Variants in KCNN2 observed in about 807,000 individuals in gnomAD.
The protein encoded by KCNN2 is potassium calcium-activated channel subfamily N member 2.
In KCNN2, 24 loss-of-function variants were observed where a neutral mutation model predicts 55.5. The observed-to-expected ratio is 0.43, with a 90% confidence interval of 0.31 to 0.61. The LOEUF (loss-of-function observed/expected upper bound fraction) is 0.61, where lower values mean the gene tolerates loss of function less well. KCNN2 is among the 20% of genes least tolerant of loss of function. The pLI is 0.08. For missense variants in KCNN2, 754 were observed against 853.6 expected, an observed-to-expected ratio of 0.88 and a Z score of 1.45; for synonymous variants, 431 against 336.1, an observed-to-expected ratio of 1.28 and a Z score of -3.09.
intron 2 of KCNN2, among the ~76,000 whole-genome samples, chr5:114,278,558 A>C (rs1411383297): frequency 6.6e-6 from 1 of 152,172 alleles, no homozygotes; most frequent in Non-Finnish European, 1.5e-5. Flanking sequence ...AGAACCACCT[A>C]CTTAAGCCTC....
intron 3 of KCNN2, among the ~76,000 whole-genome samples, chr5:114,453,973 G>T (rs2007196): frequency 0.94 from 143,124 of 152,078 alleles, 67,973 homozygotes; most frequent in East Asian, 1. Flanking sequence ...TCCCTGTCCT[G>T]TCTCACCACA....
At chr5:114,106,541 G>C (rs1751485865) in intron 1 of KCNN2, among the ~76,000 whole-genome samples, 1 of 145,806 alleles carries the variant, frequency 6.9e-6, no homozygotes, top group Non-Finnish European at 1.5e-5. Context: ...TGTTATTCTT[G>C]TTTGTTTTTT....
intron 1 of KCNN2, among the ~76,000 whole-genome samples, chr5:114,169,683 G>T (rs966101492): frequency 2.0e-5 from 3 of 152,074 alleles, no homozygotes; most frequent in African/African-American, 7.2e-5. Flanking sequence ...TCAGTTTCAT[G>T]TGCACCCCTT....
intron 2 of KCNN2, among the ~76,000 whole-genome samples, chr5:114,330,692 A>G (rs1484711456): frequency 6.6e-6 from 1 of 152,086 alleles, no homozygotes; most frequent in Non-Finnish European, 1.5e-5. Context: ...CAACCTTTGG[A>G]GTGTAGTTCA....
At chr5:114,288,134 A>G (rs373106841) in intron 2 of KCNN2, among the ~76,000 whole-genome samples, 1 of 152,178 alleles carries the variant, frequency 6.6e-6, no homozygotes, top group Non-Finnish European at 1.5e-5. Flanking sequence ...ATTACTTAGC[A>G]TAAGGTTTTC....
chr5:114,104,993 C>A lies in KCNN2; in HGVS notation c.-271+48493C>A, dbSNP rs1263424548. ...AGGTTAAGTGACTTTCCCAGTGTCACCTATTCTGTCTTCTCTTCTGATTCA... is the reference window on the plus strand; with the variant it reads ...AGGTTAAGTGACTTTCCCAGTGTCAACTATTCTGTCTTCTCTTCTGATTCA... On this transcript the variant is annotated intron_variant, in intron 1 of 10. Transcript: ENST00000512097. Among the ~76,000 whole-genome samples the A allele has an allele frequency of 3.3e-5, 5 of 152,132 alleles. No homozygotes were observed. In the East Asian group the frequency reaches 9.7e-4, roughly 30 times the overall value.
rs945847263 is a variant in KCNN2 at position 114,264,906 on chromosome 5, C to G, written c.-185+43341C>G. Reference sequence around the variant, plus strand: ...GTTCAAGTGCCCTCAGGGATATAAGCATAGAAGGTAAATTTTACCTATTGC... The same window carrying G: ...GTTCAAGTGCCCTCAGGGATATAAGGATAGAAGGTAAATTTTACCTATTGC... On this transcript the variant is annotated intron_variant, in intron 2 of 10. Transcript: ENST00000512097. 2.6e-5 allele frequency among the ~76,000 whole-genome samples: 4 copies of G among 152,208 alleles called. No homozygotes were observed. The East Asian group carries it at 7.7e-4, about 29-fold the overall frequency.
intron 2 of KCNN2, among the ~76,000 whole-genome samples, chr5:114,375,408 T>G (rs1262494270): frequency 6.6e-6 from 1 of 152,132 alleles, no homozygotes; most frequent in African/African-American, 2.4e-5. Flanking sequence ...ACTGAAAACT[T>G]TGTTTTATTT....
At position 114,241,755 on chromosome 5, in the gene KCNN2, T is replaced by C. The variant is rs12153476; in HGVS notation, c.-185+20190T>C. 1.3e-3 allele frequency among the ~76,000 whole-genome samples: 29 copies of C among 22,470 alleles called. 5 individuals are homozygous for C. In the South Asian group the frequency reaches 0.037, roughly 29 times the overall value. The allele number at this position is 22,470 out of a possible 152,430, so 14.7% of individuals were successfully genotyped here. A position where few individuals can be genotyped will look rare whatever the true frequency, so the allele number is the denominator to read the frequency against. ...ATACATATATACGTATATATATGTA[T>C]ATATATACGTATATATATACATATA... is the stretch of plus-strand genomic sequence containing the variant. On this transcript the variant is annotated intron_variant, in intron 2 of 10. Coordinates refer to the KCNN2 transcript ENST00000512097.
chr5:114,345,654 G>A (rs1395653716), intron 2 of KCNN2, among the ~76,000 whole-genome samples: 3 of 152,200 alleles, frequency 2.0e-5, no homozygotes, highest in Admixed American at 1.3e-4. Context: ...TTCTTGCATT[G>A]TTATAAAGAA....
chr5:114,074,843 A>G (rs1015546601), intron 1 of KCNN2, among the ~76,000 whole-genome samples: 2 of 152,254 alleles, frequency 1.3e-5, no homozygotes, highest in African/African-American at 2.4e-5. Flanking sequence ...CAGAGGAGTC[A>G]GGCTCTATGA....
intron 1 of KCNN2, among the ~76,000 whole-genome samples, chr5:114,134,642 A>T (rs963810845): frequency 1.3e-5 from 2 of 151,752 alleles, no homozygotes; most frequent in Admixed American, 6.6e-5. Flanking sequence ...CTCCCGGCAA[A>T]TTTTTTGTAT....
chr5:114,274,748 A>C (rs1219472555), intron 2 of KCNN2, among the ~76,000 whole-genome samples: 4 of 152,070 alleles, frequency 2.6e-5, no homozygotes, highest in Admixed American at 6.6e-5. Context: ...GAGACGATGG[A>C]GTTTTCTAAA....
At chr5:114,206,727 C>T (rs1171252153) in intron 1 of KCNN2, among the ~76,000 whole-genome samples, 1 of 151,420 alleles carries the variant, frequency 6.6e-6, no homozygotes, top group African/African-American at 2.4e-5. Flanking sequence ...ATACCCATCT[C>T]GTCATGGTTT....
intron 4 of KCNN2, among the ~76,000 whole-genome samples, chr5:114,467,493 G>A (rs1385585538): frequency 6.6e-6 from 1 of 152,062 alleles, no homozygotes; most frequent in East Asian, 1.9e-4. Flanking sequence ...TTGCTTTTTG[G>A]TTCTTTCTGG....
chr5:114,135,200 A>G (rs1199827698), intron 1 of KCNN2, among the ~76,000 whole-genome samples: 1 of 152,058 alleles, frequency 6.6e-6, no homozygotes, highest in African/African-American at 2.4e-5. Context: ...GGAATTGTTA[A>G]CCTTAGATGT....
At chr5:114,394,705 A>G (rs1186646753) in intron 2 of KCNN2, among the ~76,000 whole-genome samples, 1 of 152,160 alleles carries the variant, frequency 6.6e-6, no homozygotes, top group Non-Finnish European at 1.5e-5. Flanking sequence ...CCAGGTGGTT[A>G]CTTAGTTGTC....
intron 3 of KCNN2, among the ~76,000 whole-genome samples, chr5:114,429,412 G>A (rs924423157): frequency 6.6e-6 from 1 of 152,024 alleles, no homozygotes; most frequent in Non-Finnish European, 1.5e-5. Context: ...ATGATGTGGC[G>A]CATCTTTTCA....
chr5:114,173,762 T>C lies in KCNN2; in HGVS notation c.-270-47718T>C, dbSNP rs142904727. 8.5e-3 allele frequency among the ~76,000 whole-genome samples: 1,291 copies of C among 151,958 alleles called. 19 individuals are homozygous for C. The highest frequency in any genetic ancestry group is 0.028 in the African/African-American group (1,157 of 41,526). On this transcript the variant is annotated intron_variant, in intron 1 of 10. Coordinates refer to the KCNN2 transcript ENST00000512097. ...TATTTGTGGCTATTGTAACATTTGA[T>C]GTTATAGAATATTTTTACTATATTA...
Sources: gnomAD v4.1 joint callset for allele counts (sites outside exome capture counted in the v4.1 genomes callset) on GRCh38, gnomAD v4.1.1 for gene constraint, MANE v1.5 for transcripts, NCBI Gene and HGNC (gene_info 2026-07-23, HGNC 2026-07-21) for gene names.